Variants in RAB38 observed in about 807,000 individuals in gnomAD.
RAB38 encodes the protein RAB38, member RAS oncogene family, also known as ras-related protein Rab-38.
In RAB38, 15 loss-of-function variants were observed where a neutral mutation model predicts 18.4. The ratio of observed to expected loss-of-function variants is 0.82; its 90% CI spans 0.55 to 1.26. The LOEUF (loss-of-function observed/expected upper bound fraction) is 1.26, where lower values mean the gene tolerates loss of function less well. Among genes scored for constraint, RAB38 ranks in the 50% most tolerant of loss-of-function variants. The pLI is 0.00. For missense variants in RAB38, 294 were observed against 267.4 expected (o/e 1.10, Z -0.69); for synonymous variants, 101 against 104.4 (o/e 0.97, Z 0.20).
chr11:87,904,049 T>G, the RAB38 span, among the ~76,000 whole-genome samples: 1 of 151,780 alleles, frequency 6.6e-6, no homozygotes, highest in Non-Finnish European at 1.5e-5. Flanking sequence ...TTTTATTATA[T>G]CCTTTTTCTT....
chr11:88,152,914 C>A (rs544421377), intron 1 of RAB38, among the ~76,000 whole-genome samples: 9 of 152,250 alleles, frequency 5.9e-5, no homozygotes, highest in African/African-American at 2.2e-4. Flanking sequence ...TTTTGTCACA[C>A]TGGATTACTG....
chr11:87,842,844 AC>A, the RAB38 span, among the ~76,000 whole-genome samples: 9 of 146,628 alleles, frequency 6.1e-5, no homozygotes, highest in Non-Finnish European at 1.1e-4. Flanking sequence ...ACACACACAC[AC>A]AAATCCCTTT....
the RAB38 span, among the ~76,000 whole-genome samples, chr11:88,050,502 C>T: frequency 1.3e-5 from 2 of 152,194 alleles, no homozygotes; most frequent in African/African-American, 4.8e-5. Context: ...CCTACGTACA[C>T]ATGCACTTTC....
At chr11:87,974,428 T>C in the RAB38 span, among the ~76,000 whole-genome samples, 3 of 151,668 alleles carry the variant, frequency 2.0e-5, no homozygotes, top group Admixed American at 6.6e-5. Flanking sequence ...ATGGGAAGTA[T>C]CCAATCTCAA....
At chr11:88,028,159 G>A in the RAB38 span, among the ~76,000 whole-genome samples, 30 of 152,304 alleles carry the variant, frequency 2.0e-4, no homozygotes, top group African/African-American at 7.0e-4. Flanking sequence ...CAGACCTGCA[G>A]CTGAGGGTCC....
chr11:88,109,268 G>A (rs537734142), downstream of RAB38, among the ~76,000 whole-genome samples: 9 of 152,190 alleles, frequency 5.9e-5, no homozygotes, highest in East Asian at 1.9e-4. Context: ...CAAGCCATGC[G>A]GAAAGGATTC....
the RAB38 span, among the ~76,000 whole-genome samples, chr11:87,843,634 A>G: frequency 6.6e-6 from 1 of 152,196 alleles, no homozygotes; most frequent in Non-Finnish European, 1.5e-5. Flanking sequence ...TTATGAGATA[A>G]TTTTGTATGT....
chr11:87,837,701 A>G, the RAB38 span, among the ~76,000 whole-genome samples: 3 of 152,198 alleles, frequency 2.0e-5, no homozygotes, highest in Non-Finnish European at 2.9e-5. Context: ...TAACTGATCT[A>G]TGTAACTAAG....
the RAB38 span, among the ~76,000 whole-genome samples, chr11:88,036,466 A>G: frequency 6.6e-6 from 1 of 152,138 alleles, no homozygotes; most frequent in Non-Finnish European, 1.5e-5. Context: ...TTCCTATTCC[A>G]TATTTACCCT....
chr11:87,893,093 T>C, the RAB38 span, among the ~76,000 whole-genome samples: 1 of 151,472 alleles, frequency 6.6e-6, no homozygotes. Flanking sequence ...ACGATGTTGA[T>C]GGTAATATTA....
chr11:87,839,332 T>C, the RAB38 span, among the ~76,000 whole-genome samples: 1 of 152,236 alleles, frequency 6.6e-6, no homozygotes, highest in South Asian at 2.1e-4. Context: ...TTAAAGTAAA[T>C]GACCAGAGAT....
chr11:88,118,931 G>A (rs1287522357), intron 2 of RAB38, among the ~76,000 whole-genome samples: 1 of 152,100 alleles, frequency 6.6e-6, no homozygotes, highest in Non-Finnish European at 1.5e-5. Context: ...TATTTTAAAG[G>A]TAAGGGAGCT....
chr11:87,976,448 T>G, the RAB38 span, among the ~76,000 whole-genome samples: 14 of 136,260 alleles, frequency 1.0e-4, no homozygotes, highest in Middle Eastern at 7.8e-3. Context: ...ATTTTTTATA[T>G]TTATAAATAT....
chr11:88,078,294 T>A, the RAB38 span, among the ~76,000 whole-genome samples: 1 of 151,942 alleles, frequency 6.6e-6, no homozygotes, highest in Non-Finnish European at 1.5e-5. Context: ...TACCATATGA[T>A]CCATCAGTTC....
intron 2 of RAB38, among the ~76,000 whole-genome samples, chr11:88,132,756 G>A (rs998074522): frequency 5.3e-5 from 8 of 152,114 alleles, no homozygotes; most frequent in Non-Finnish European, 1.2e-4. Context: ...ACCATGCCCA[G>A]CCTAGATGTT....
chr11:88,086,936 A>C, the RAB38 span, among the ~76,000 whole-genome samples: 1 of 151,664 alleles, frequency 6.6e-6, no homozygotes, highest in Non-Finnish European at 1.5e-5. Flanking sequence ...GAGAAAACTA[A>C]AGATTTTAAA....
In RAB38 at chr11:88,113,914, C is replaced by T; in HGVS notation, c.*74G>A. 6.4e-7 allele frequency: 1 copy of T among 1,572,838 alleles called. No individual in the cohort carries two copies. Among genetic ancestry groups the T allele is most frequent in the Non-Finnish European group, 8.7e-7 (1 of 1,145,222 alleles). ...TGGTATCTCTATCCTGACGTTTACC[C>T]AAAATGGTAAAAATAGAGGCACAAT... On this transcript the variant is annotated 3_prime_UTR_variant, in exon 3 of 3. Coordinates refer to ENST00000243662, the MANE Select transcript of RAB38 (RefSeq NM_022337.3).
At chr11:87,886,274 C>A in the RAB38 span, among the ~76,000 whole-genome samples, 1 of 151,820 alleles carries the variant, frequency 6.6e-6, no homozygotes, top group African/African-American at 2.4e-5. Flanking sequence ...TGGGTTTGAT[C>A]ACCCCAACAG....
chr11:88,119,109 T>G (rs974287006), intron 2 of RAB38, among the ~76,000 whole-genome samples: 1 of 152,088 alleles, frequency 6.6e-6, no homozygotes, highest in African/African-American at 2.4e-5. Context: ...AATTATAACT[T>G]CTCAATCCTG....
Sources: allele counts gnomAD v4.1 joint callset (sites outside exome capture counted in the v4.1 genomes callset), GRCh38; gene constraint gnomAD v4.1.1; transcripts MANE v1.5; gene names NCBI Gene and HGNC (gene_info 2026-07-23, HGNC 2026-07-21).